The following ADGRL2 variants were observed in gnomAD, a reference collection of about 807,000 sequenced individuals.
The protein encoded by ADGRL2 is adhesion G protein-coupled receptor L2, also known as calcium-independent alpha-latrotoxin receptor 2.
Under a neutral mutation model 157.4 loss-of-function variants are expected in ADGRL2, and 44 were observed. That is an observed-to-expected ratio of 0.28 (90% CI 0.22 to 0.36). The LOEUF is 0.36. Ranked by LOEUF, ADGRL2 falls within the 10% of genes least tolerant of loss-of-function variation. The pLI is 1.00. For synonymous variants in ADGRL2, 585 were observed against 624.7 expected (o/e 0.94, Z 0.95); for missense variants, 1,510 against 1,768.9 (o/e 0.85, Z 2.63).
intron 19 of ADGRL2, among the ~76,000 whole-genome samples, chr1:81,983,159 A>C (rs1238361466): frequency 6.6e-6 from 1 of 151,954 alleles, no homozygotes; most frequent in Admixed American, 6.6e-5. Flanking sequence ...TTATTTCCTC[A>C]TATAGTTATG....
intron 1 of ADGRL2, among the ~76,000 whole-genome samples, chr1:81,308,435 G>A (rs1404798213): frequency 6.6e-6 from 1 of 152,136 alleles, no homozygotes; most frequent in African/African-American, 2.4e-5. Flanking sequence ...GGAAAGGTGC[G>A]TGGGATTGCC....
At chr1:81,657,542 A>G (rs1193670682) in intron 3 of ADGRL2, among the ~76,000 whole-genome samples, 1 of 152,214 alleles carries the variant, frequency 6.6e-6, no homozygotes, top group Non-Finnish European at 1.5e-5. Context: ...TCCTAAGAGA[A>G]GTAACACTTC....
intron 2 of ADGRL2, among the ~76,000 whole-genome samples, chr1:81,564,719 G>A (rs2080519872): frequency 2.0e-5 from 3 of 152,150 alleles, no homozygotes; most frequent in Admixed American, 1.3e-4. Flanking sequence ...GAAGGGGAGG[G>A]AATTATACAT....
intron 3 of ADGRL2, among the ~76,000 whole-genome samples, chr1:81,693,850 G>A (rs531681817): frequency 1.2e-3 from 183 of 152,294 alleles, no homozygotes; most frequent in Non-Finnish European, 2.2e-3. Context: ...GATATGGACT[G>A]GCCCGAGTTA....
At chr1:81,325,774 A>G (rs1237329929) in intron 1 of ADGRL2, among the ~76,000 whole-genome samples, 1 of 152,140 alleles carries the variant, frequency 6.6e-6, no homozygotes, top group African/African-American at 2.4e-5. Context: ...GACAATCAAT[A>G]CCCACAGACG....
intron 2 of ADGRL2, among the ~76,000 whole-genome samples, chr1:81,562,697 A>T (rs549743836): frequency 1.4e-4 from 22 of 152,044 alleles, no homozygotes; most frequent in Admixed American, 4.6e-4. Context: ...CAGTTTTTTT[A>T]AAAAAATTGA....
At chr1:81,744,465 T>C (rs2085177596) in intron 1 of ADGRL2, among the ~76,000 whole-genome samples, 1 of 152,306 alleles carries the variant, frequency 6.6e-6, no homozygotes, top group African/African-American at 2.4e-5. Flanking sequence ...AGCTCCTGAT[T>C]CAGGCACTAG....
chr1:81,337,564 G>A (rs548782165), intron 1 of ADGRL2, among the ~76,000 whole-genome samples: 1 of 152,190 alleles, frequency 6.6e-6, no homozygotes, highest in African/African-American at 2.4e-5. Context: ...AGCTCTCAGA[G>A]AAATCATCAT....
At chr1:81,554,985 TAA>T (rs2080237842) in intron 2 of ADGRL2, among the ~76,000 whole-genome samples, 1 of 151,930 alleles carries the variant, frequency 6.6e-6, no homozygotes, top group African/African-American at 2.4e-5. Context: ...GTAGAAGAGA[TAA>T]AAGTCCTGTG....
chr1:81,953,091 T>C (rs1652365905), intron 10 of ADGRL2, 66 bp downstream of exon 10: 3 of 1,295,296 alleles, frequency 2.3e-6, no homozygotes, highest in Non-Finnish European at 3.4e-6. Context: ...TTTATCATCT[T>C]GCTGCATGAT....
chr1:81,411,857 G>A (rs1364685406), intron 1 of ADGRL2, among the ~76,000 whole-genome samples: 1 of 149,274 alleles, frequency 6.7e-6, no homozygotes, highest in African/African-American at 2.5e-5. Context: ...TCCAGCCTGG[G>A]CAACAAAGCG....
intron 2 of ADGRL2, among the ~76,000 whole-genome samples, chr1:81,871,749 G>C (rs1046126364): frequency 3.3e-4 from 50 of 152,228 alleles, no homozygotes; most frequent in Non-Finnish European, 6.6e-4. Context: ...AGAAGTGTCT[G>C]TTCATATCCT....
At chr1:81,879,785 G>C (rs2093939457) in intron 2 of ADGRL2, among the ~76,000 whole-genome samples, 1 of 152,154 alleles carries the variant, frequency 6.6e-6, no homozygotes. Flanking sequence ...GCCGAGGCGG[G>C]CTGATCACTT....
At chr1:81,594,003 T>G (rs1207153801) in intron 3 of ADGRL2, among the ~76,000 whole-genome samples, 1 of 152,222 alleles carries the variant, frequency 6.6e-6, no homozygotes, top group East Asian at 1.9e-4. Flanking sequence ...TATGTATGTA[T>G]GTAGAAACAC....
intron 2 of ADGRL2, among the ~76,000 whole-genome samples, chr1:81,886,505 A>C (rs2094132295): frequency 6.6e-6 from 1 of 152,198 alleles, no homozygotes; most frequent in Non-Finnish European, 1.5e-5. Context: ...TATAGTCTAT[A>C]AAATGTGATT....
Position 81,721,884 on chromosome 1 carries a change from G to A in ADGRL2, c.-143+22076G>A, listed in dbSNP as rs544329958. 55 of 750,202 alleles carry A rather than the reference G, an allele frequency of 7.3e-5. No individual in the cohort carries two copies. In the East Asian group the frequency reaches 1.4e-3, roughly 19 times the overall value. 46.5% of individuals were successfully genotyped at this position (750,202 alleles called of 1,614,324 possible). A position where few individuals can be genotyped will look rare whatever the true frequency, so the allele number is the denominator to read the frequency against. On this transcript the variant is annotated intron_variant, in intron 1 of 20. Transcript: ENST00000359929. ...AAAAAAAAAACCTGATAGTAAGAAGGTGGAGGAAAACTTAAAGGCAGACAA... is the reference window on the plus strand; with the variant it reads ...AAAAAAAAAACCTGATAGTAAGAAGATGGAGGAAAACTTAAAGGCAGACAA...
upstream of ADGRL2, among the ~76,000 whole-genome samples, chr1:81,698,670 G>C (rs574596176): frequency 5.9e-5 from 9 of 152,278 alleles, no homozygotes; most frequent in South Asian, 1.4e-3. Flanking sequence ...CCCACCTCTA[G>C]AGTACAGTAC....
intron 2 of ADGRL2, among the ~76,000 whole-genome samples, chr1:81,460,982 A>T (rs1275647130): frequency 6.6e-6 from 1 of 152,222 alleles, no homozygotes; most frequent in Admixed American, 6.5e-5. Flanking sequence ...CAGGATTTAG[A>T]TGAGTGAATA....
rs1049459193 is a variant in ADGRL2, at chr1:81,721,096, T to C, written c.-143+21288T>C. Among the ~76,000 whole-genome samples, 5 of 150,440 alleles carry C rather than the reference T, an allele frequency of 3.3e-5. No homozygotes were observed. The Admixed American group carries it at 3.3e-4, about 10-fold the overall frequency. On this transcript the variant is annotated intron_variant, in intron 1 of 20. Transcript: ENST00000359929. ...TATGTTGCCTGGACTGGTCTCGATCTCCTAGACACAAGCGATCCTCCTGCG... is the reference window on the plus strand; with the variant it reads ...TATGTTGCCTGGACTGGTCTCGATCCCCTAGACACAAGCGATCCTCCTGCG...
Sources: gnomAD v4.1 joint callset for allele counts (sites outside exome capture counted in the v4.1 genomes callset) on GRCh38, gnomAD v4.1.1 for gene constraint, MANE v1.5 for transcripts, NCBI Gene and HGNC (gene_info 2026-07-23, HGNC 2026-07-21) for gene names.